ANO10: variants seen among roughly 807,000 people sequenced by gnomAD.
The protein encoded by ANO10 is anoctamin 10, also known as anoctamin-10.
Under a neutral mutation model 74.7 loss-of-function variants are expected in ANO10, and 77 were observed. That is an observed-to-expected ratio of 1.03 (90% CI 0.86 to 1.25). The LOEUF is 1.25. ANO10 is among the 50% of genes most tolerant of loss of function. The pLI, the probability that ANO10 is intolerant of heterozygous loss-of-function variation, is 0.00. For synonymous variants in ANO10, 279 were observed against 284.9 expected (o/e 0.98, Z 0.21); for missense variants, 721 against 778.1 (o/e 0.93, Z 0.87).
chr3:43,587,423 G>C (rs968545987), intron 4 of ANO10, among the ~76,000 whole-genome samples: 2 of 152,124 alleles, frequency 1.3e-5, no homozygotes, highest in Non-Finnish European at 1.5e-5. Flanking sequence ...TATGGTGTAG[G>C]AACCCAGATA....
At chr3:43,461,212 A>T (rs1218331959) in intron 11 of ANO10, among the ~76,000 whole-genome samples, 1 of 152,206 alleles carries the variant, frequency 6.6e-6, no homozygotes, top group Admixed American at 6.5e-5. Context: ...TATAGAAATT[A>T]AAACCATAAC....
intron 11 of ANO10, among the ~76,000 whole-genome samples, chr3:43,508,571 T>G (rs1179588678): frequency 3.3e-5 from 5 of 152,112 alleles, no homozygotes; most frequent in Non-Finnish European, 5.9e-5. Flanking sequence ...TAGACTGGAT[T>G]AAGAAAATGT....
In ANO10 at chr3:43,445,417, GC is replaced by G. The variant is rs2093230486; in HGVS notation, c.1798-12691del. Among the ~76,000 whole-genome samples, 4 of 114,330 alleles carry G rather than the reference GC, an allele frequency of 3.5e-5. No homozygotes were observed. The South Asian group carries it at 1.4e-3, about 41-fold the overall frequency. The allele number at this position is 114,330 out of a possible 152,430, so 75.0% of individuals were successfully genotyped here. A position where few individuals can be genotyped will look rare whatever the true frequency, so the allele number is the denominator to read the frequency against. On this transcript the variant is annotated intron_variant, in intron 11 of 12. Transcript: ENST00000292246. ...GTGTATATGGGAACTATCAGTTCTA[GC>G]TTGTTAACTTTTCTGTAATCTAAAA... is the stretch of plus-strand genomic sequence containing the variant.
At chr3:43,595,085 G>C (rs1340730277) in intron 4 of ANO10, among the ~76,000 whole-genome samples, 3 of 152,100 alleles carry the variant, frequency 2.0e-5, no homozygotes, top group Admixed American at 6.6e-5. Context: ...TCCCTGAATA[G>C]ACCAATAACA....
chr3:43,614,801 A>AAGATATATATATATATG (rs1553741772), intron 1 of ANO10, among the ~76,000 whole-genome samples: 1 of 99,386 alleles, frequency 1.0e-5, no homozygotes, highest in African/African-American at 3.2e-5. Flanking sequence ...ATATATATAT[A>AAGATATATATATATATG]TAGGTTCATT....
At chr3:43,568,388 A>T (rs958116502) in intron 7 of ANO10, among the ~76,000 whole-genome samples, 8 of 152,204 alleles carry the variant, frequency 5.3e-5, no homozygotes, top group East Asian at 3.9e-4. Flanking sequence ...ATACATTTTT[A>T]TCAGCACCAC....
chr3:43,592,167 G>T (rs1317150669), intron 4 of ANO10, among the ~76,000 whole-genome samples: 1 of 152,218 alleles, frequency 6.6e-6, no homozygotes. Context: ...CTCCACCTCT[G>T]GGGGCAGGGC....
At chr3:43,514,361 T>G (rs1484586304) in intron 11 of ANO10, among the ~76,000 whole-genome samples, 2 of 152,104 alleles carry the variant, frequency 1.3e-5, no homozygotes, top group African/African-American at 4.8e-5. Context: ...TTAGATAAAG[T>G]AGATTTCAAA....
intron 11 of ANO10, among the ~76,000 whole-genome samples, chr3:43,488,318 TG>T (rs2076580323): frequency 6.7e-6 from 1 of 150,334 alleles, no homozygotes; most frequent in Admixed American, 6.6e-5. Context: ...AATTGACAAA[TG>T]GGATCTAATT....
chr3:43,511,633 C>T (rs1051854344), intron 11 of ANO10, among the ~76,000 whole-genome samples: 1 of 152,144 alleles, frequency 6.6e-6, no homozygotes, highest in Non-Finnish European at 1.5e-5. Flanking sequence ...CTTAGTACCC[C>T]ACTTTTAGTT....
chr3:43,370,650 T>C (rs796376735), intron 12 of ANO10, among the ~76,000 whole-genome samples: 3 of 152,262 alleles, frequency 2.0e-5, no homozygotes, highest in African/African-American at 7.2e-5. Context: ...ATAAGCAAGA[T>C]AATAGAGCTG....
intron 12 of ANO10, among the ~76,000 whole-genome samples, chr3:43,371,736 C>T (rs2091619393): frequency 6.6e-6 from 1 of 152,170 alleles, no homozygotes; most frequent in African/African-American, 2.4e-5. Context: ...TGGGGACTCA[C>T]AAGGCTAGGC....
chr3:43,573,311 C>T (rs2080831710), intron 7 of ANO10, among the ~76,000 whole-genome samples: 2 of 152,236 alleles, frequency 1.3e-5, no homozygotes, highest in East Asian at 3.9e-4. Context: ...TTTCCTATTG[C>T]CCAATTGTTG....
intron 11 of ANO10, among the ~76,000 whole-genome samples, chr3:43,477,264 G>GTA (rs2076100757): frequency 6.6e-6 from 1 of 152,104 alleles, no homozygotes; most frequent in African/African-American, 2.4e-5. Context: ...AATATCAAAG[G>GTA]TATTGTAGTG....
At chr3:43,459,293 G>C (rs1020839332) in intron 11 of ANO10, among the ~76,000 whole-genome samples, 1 of 152,118 alleles carries the variant, frequency 6.6e-6, no homozygotes, top group Non-Finnish European at 1.5e-5. Flanking sequence ...AAAAGGACCA[G>C]TCAGTGCTCA....
chr3:43,396,331 T>C (rs1240947841), intron 12 of ANO10, among the ~76,000 whole-genome samples: 1 of 152,134 alleles, frequency 6.6e-6, no homozygotes, highest in South Asian at 2.1e-4. Flanking sequence ...CTTTCTTCGC[T>C]TCACGTTTGA....
chr3:43,490,956 C>G (rs556226976), intron 11 of ANO10, among the ~76,000 whole-genome samples: 1 of 151,958 alleles, frequency 6.6e-6, no homozygotes, highest in Non-Finnish European at 1.5e-5. Context: ...AGCAGCTTCC[C>G]GATAAGATCT....
At chr3:43,402,113 C>A (rs2092492778) in intron 12 of ANO10, among the ~76,000 whole-genome samples, 1 of 152,220 alleles carries the variant, frequency 6.6e-6, no homozygotes, top group African/African-American at 2.4e-5. Context: ...TGCCTGCTCA[C>A]TCACTAGTTT....
At chr3:43,598,801 A>G (rs989376207) in intron 3 of ANO10, 135 bp from the exon 4 acceptor site, 4 of 719,648 alleles carry the variant, frequency 5.6e-6, no homozygotes, top group Non-Finnish European at 8.8e-6. Context: ...AAGCTGGTAA[A>G]TTAAATAGAA....
Sources: allele counts gnomAD v4.1 joint callset (sites outside exome capture counted in the v4.1 genomes callset), GRCh38; gene constraint gnomAD v4.1.1; transcripts MANE v1.5; gene names NCBI Gene and HGNC (gene_info 2026-07-23, HGNC 2026-07-21).